KIAA1671: variants seen among roughly 807,000 people sequenced by gnomAD.
KIAA1671 encodes KIAA1671.
Under a neutral mutation model 131.2 loss-of-function variants are expected in KIAA1671, and 52 were observed. The ratio of observed to expected loss-of-function variants is 0.40; its 90% CI spans 0.32 to 0.50. The LOEUF (loss-of-function observed/expected upper bound fraction) is 0.50. Ranked by LOEUF, KIAA1671 falls within the 20% of genes least tolerant of loss-of-function variation. The probability of loss-of-function intolerance (pLI) is 0.73; values close to 1 mark genes in which losing one functional copy is unlikely to be tolerated. For synonymous variants in KIAA1671, 1,003 were observed against 961.6 expected (o/e 1.04, Z -0.80); for missense variants, 2,360 against 2,364.2 (o/e 1.00, Z 0.04).
intron 6 of KIAA1671, among the ~76,000 whole-genome samples, chr22:25,143,126 G>A (rs1275564410): frequency 5.3e-5 from 8 of 152,212 alleles, no homozygotes; most frequent in Admixed American, 6.5e-5. Context: ...GGCTCTCCCC[G>A]TCCTGGGCAC....
intron 6 of KIAA1671, among the ~76,000 whole-genome samples, chr22:25,108,553 C>G (rs1287374043): frequency 6.6e-6 from 1 of 152,218 alleles, no homozygotes; most frequent in African/African-American, 2.4e-5. Flanking sequence ...TAGGAGGCTG[C>G]ATGTGGTGGA....
chr22:25,070,806 G>A (rs1353168709), intron 6 of KIAA1671, among the ~76,000 whole-genome samples: 1 of 152,180 alleles, frequency 6.6e-6, no homozygotes, highest in African/African-American at 2.4e-5. Context: ...GTGTAAGAAT[G>A]TCTGTCTTCT....
chr22:25,181,715 G>A lies in KIAA1671; in HGVS notation c.5091G>A (p.Arg1697=), dbSNP rs777089116. 6.4e-7 allele frequency: 1 copy of A among 1,551,640 alleles called. No homozygotes were observed. Among genetic ancestry groups the A allele is most frequent in the Non-Finnish European group, 8.7e-7 (1 of 1,146,970 alleles). The change falls in exon 10 of 13, where the codon AGG becomes AGA. Residue 1697 remains arginine, a synonymous_variant. Transcript: ENST00000358431. ...FKDSTEEKSP[R]KEESDEEETA... Reference sequence around the variant, plus strand: ...TTGCAACAGAGGAGAAATCACCCAGGAAGGAGGAGTCGGATGAGGAGGAGA... The same window carrying A: ...TTGCAACAGAGGAGAAATCACCCAGAAAGGAGGAGTCGGATGAGGAGGAGA...
In KIAA1671 at chr22:25,100,438, G is replaced by A. The variant is rs559606369; in HGVS notation, c.4530+51074G>A. 2.0e-5 allele frequency among the ~76,000 whole-genome samples: 3 copies of A among 152,288 alleles called. No individual in the cohort carries two copies. In the East Asian group the frequency reaches 5.8e-4, roughly 29 times the overall value. ...CACAGGGCAAGGTCTTCCCTCCTAT[G>A]ACCACATCTTCTGTACCCCATAATC... is the stretch of plus-strand genomic sequence containing the variant. On this transcript the variant is annotated intron_variant, in intron 6 of 12. Transcript: ENST00000358431.
chr22:25,114,277 C>T (rs1318805486), intron 6 of KIAA1671, among the ~76,000 whole-genome samples: 1 of 152,222 alleles, frequency 6.6e-6, no homozygotes, highest in Non-Finnish European at 1.5e-5. Context: ...GGAGCCCTGA[C>T]CCATTCTTAA....
At chr22:25,030,310 G>C (rs994846196) in intron 3 of KIAA1671, among the ~76,000 whole-genome samples, 3 of 152,242 alleles carry the variant, frequency 2.0e-5, no homozygotes, top group African/African-American at 7.2e-5. Flanking sequence ...GCCGAGGCGG[G>C]TGGATCACAA....
At position 25,039,794 on chromosome 22, in the gene KIAA1671, C is replaced by T. The variant is rs1926812099; in HGVS notation, c.2664C>T (p.Ser888=). The T allele has an allele frequency of 1.3e-6, 2 of 1,513,054 alleles. No homozygotes were observed. Among genetic ancestry groups the T allele is most frequent in the African/African-American group, 1.4e-5 (1 of 72,120 alleles). 93.7% of individuals were successfully genotyped at this position (1,513,054 alleles called of 1,614,324 possible). ...AGGGATGCCCCCTCGATCCTCTTTC[C>T]AGGGCTACGAATGGGCCTTCTGACT... ...PPQGCPLDPL[S]RATNGPSDSQ... Residue 888 remains serine, a synonymous_variant, in exon 5 of 13, where the codon TCC becomes TCT. Transcript: ENST00000358431.
At chr22:25,192,000 T>C (rs1555886184) in intron 12 of KIAA1671, among the ~76,000 whole-genome samples, 1 of 152,222 alleles carries the variant, frequency 6.6e-6, no homozygotes, top group Non-Finnish European at 1.5e-5. Context: ...TTATGTATGA[T>C]GCATGTGTGT....
chr22:25,028,421 C>G lies in KIAA1671; in HGVS notation c.422C>G (p.Ser141Cys). 7.1e-6 allele frequency: 11 copies of G among 1,551,034 alleles called. No individual in the cohort carries two copies. Among genetic ancestry groups the G allele is most frequent in the Non-Finnish European group, 8.7e-6 (10 of 1,146,832 alleles). The change falls in exon 3 of 13, where the codon TCC becomes TGC. Residue 141 changes from serine (S) to cysteine (C), a missense_variant. Ser to Cys is a moderately radical substitution (Grantham distance 112). Coordinates refer to ENST00000358431, the MANE Select transcript of KIAA1671 (RefSeq NM_001145206.2). ...AAGGCTGTGTTCCTGCGGCCCAGCT[C>G]CAGCACCATGATTCTCTTCGAAACC... The part of the protein sequence containing the change: ...FNKAVFLRPS[S>C]STMILFETTK...
Position 25,028,643 on chromosome 22 carries a change from A to G in KIAA1671, c.644A>G (p.Asp215Gly). The part of the protein sequence containing the change: ...PPVPQEEAGQ[D>G]HPPSKASSVE... ...GTACCCCAAGAGGAGGCAGGCCAAG[A>G]CCATCCTCCCTCAAAGGCCAGCAGT... is the stretch of plus-strand genomic sequence containing the variant. The change falls in exon 3 of 13, where the codon GAC (aspartate) becomes GGC (glycine). Residue 215 changes from aspartate (D) to glycine (G), a missense_variant. Around this residue, in one of 3 missense-constraint regions of KIAA1671, gnomAD observed 1,185 missense variants for 1,126.2 expected, o/e 1.05. Transcript: ENST00000358431. The G allele has an allele frequency of 6.4e-7, 1 of 1,550,984 alleles. No individual in the cohort carries two copies. Among genetic ancestry groups the G allele is most frequent in the Non-Finnish European group, 8.7e-7 (1 of 1,146,934 alleles).
At chr22:25,178,787 C>G (rs1934139215) in intron 9 of KIAA1671, among the ~76,000 whole-genome samples, 1 of 151,988 alleles carries the variant, frequency 6.6e-6, no homozygotes. Context: ...CCACCCACCC[C>G]CTGCCAGTTC....
At chr22:25,077,134 C>T (rs1004406111) in intron 6 of KIAA1671, among the ~76,000 whole-genome samples, 4 of 152,258 alleles carry the variant, frequency 2.6e-5, no homozygotes, top group South Asian at 2.1e-4. Flanking sequence ...AGCTTTGCAA[C>T]GAGGAGGATG....
chr22:25,091,109 G>A (rs1271822751), intron 6 of KIAA1671, among the ~76,000 whole-genome samples: 1 of 152,144 alleles, frequency 6.6e-6, no homozygotes, highest in Non-Finnish European at 1.5e-5. Context: ...CCAGGCTGGA[G>A]TACAGTGGCG....
intron 6 of KIAA1671, among the ~76,000 whole-genome samples, chr22:25,146,341 C>A (rs954241616): frequency 1.3e-5 from 2 of 152,146 alleles, no homozygotes; most frequent in Non-Finnish European, 2.9e-5. Context: ...TAGGATAAGT[C>A]GCTCAAACAA....
At chr22:25,031,729 G>T (rs938417168) in intron 3 of KIAA1671, among the ~76,000 whole-genome samples, 1 of 152,166 alleles carries the variant, frequency 6.6e-6, no homozygotes, top group South Asian at 2.1e-4. Context: ...CCTATGCCAC[G>T]GTCCTAATAT....
At chr22:25,183,197 A>C (rs918864772) in intron 10 of KIAA1671, among the ~76,000 whole-genome samples, 3 of 152,216 alleles carry the variant, frequency 2.0e-5, no homozygotes, top group African/African-American at 7.2e-5. Flanking sequence ...TGTTGGTGGA[A>C]TTTCTCAACT....
At chr22:25,100,290 G>A (rs8141899) in intron 6 of KIAA1671, among the ~76,000 whole-genome samples, 60,306 of 152,044 alleles carry the variant, frequency 0.4, 13,123 homozygotes, top group African/African-American at 0.59. Context: ...ACTGAGTATG[G>A]GAGGGGGTCC....
intron 6 of KIAA1671, among the ~76,000 whole-genome samples, chr22:25,081,562 C>T (rs554631699): frequency 1.8e-4 from 28 of 151,794 alleles, no homozygotes; most frequent in South Asian, 1.7e-3. Flanking sequence ...AATGACTTCT[C>T]GATTGAGGCA....
At chr22:24,979,353 TATTTA>T (rs1569197128) in intron 1 of KIAA1671, among the ~76,000 whole-genome samples, 4 of 135,904 alleles carry the variant, frequency 2.9e-5, no homozygotes, top group Admixed American at 7.3e-5. Context: ...TTTATTTATT[TATTTA>T]TTTTTTTTTG....
Sources: gnomAD v4.1 joint callset for allele counts (sites outside exome capture counted in the v4.1 genomes callset) on GRCh38, gnomAD v4.1.1 for gene constraint, gnomAD v4.1.1 regional missense constraint, MANE v1.5 for transcripts, NCBI Gene and HGNC (gene_info 2026-07-23, HGNC 2026-07-21) for gene names.